Variants in ECPAS observed in about 807,000 individuals in gnomAD.
ECPAS encodes Ecm29 proteasome adaptor and scaffold, also known as proteasome adapter and scaffold protein ECM29.
Under a neutral mutation model 255.1 loss-of-function variants are expected in ECPAS, and 70 were observed. That is an observed-to-expected ratio of 0.27 (90% CI 0.23 to 0.33). ECPAS has a LOEUF of 0.33. Among genes scored for constraint, ECPAS ranks in the 10% least tolerant of loss-of-function variants. The probability of loss-of-function intolerance (pLI) is 1.00; values close to 1 mark genes in which losing one functional copy is unlikely to be tolerated. For missense variants in ECPAS, 1,817 were observed against 2,206.4 expected (o/e 0.82, Z 3.54); for synonymous variants, 784 against 775.0 (o/e 1.01, Z -0.19).
rs144418304 is a variant in ECPAS, at chr9:111,362,267, TA to T, written c.5381-99del. 8,948 of 1,001,334 alleles carry T rather than the reference TA, an allele frequency of 8.9e-3. 69 individuals carry two copies. The highest frequency in any genetic ancestry group is 0.011 in the Non-Finnish European group (7,988 of 704,710). The allele number at this position is 1,001,334 out of a possible 1,614,324, so 62.0% of individuals were successfully genotyped here. The stretch of plus-strand genomic sequence containing the variant: ...TTATAGAACAAGCAAGAAAAAAATT[TA>T]AAAATATCCTATCCCCCAAATAAAT... On this transcript the variant is annotated intron_variant, in intron 49 of 49. Coordinates refer to ENST00000684092, the MANE Select transcript of ECPAS (RefSeq NM_001364929.1).
At chr9:111,423,373 G>A (rs2098217070) in intron 12 of ECPAS, 125 bp from the exon 13 acceptor site, 1 of 677,130 alleles carries the variant, frequency 1.5e-6, no homozygotes, top group Non-Finnish European at 2.5e-6. Context: ...ATTAAACCTA[G>A]GTCTCACTCT....
intron 7 of ECPAS, among the ~76,000 whole-genome samples, chr9:111,433,717 G>A (rs550917378): frequency 6.6e-6 from 1 of 152,254 alleles, no homozygotes; most frequent in South Asian, 2.1e-4. Context: ...CCCTAGTGAG[G>A]TTACACAGCC....
chr9:111,417,169 G>A lies in ECPAS; in HGVS notation c.1683+714C>T, dbSNP rs190266552. ...AGGGTGGATCACTTGAGTCTGGGAC[G>A]TGGAGGTTTTAGTGAACTGAGACCA... On this transcript the variant is annotated intron_variant, in intron 17 of 49. Coordinates refer to ENST00000684092, the MANE Select transcript of ECPAS (RefSeq NM_001364929.1). Among the ~76,000 whole-genome samples the A allele has an allele frequency of 3.3e-5, 5 of 152,074 alleles. No homozygotes were observed. The East Asian group carries it at 5.8e-4, about 18-fold the overall frequency.
intron 27 of ECPAS, 50 bp downstream of exon 27, chr9:111,393,630 T>A (rs1348531125): frequency 8.1e-7 from 1 of 1,233,864 alleles, no homozygotes; most frequent in African/African-American, 1.5e-5. Context: ...TTTTTGAACA[T>A]TTAAAATACA....
At chr9:111,439,602 TTTTCTTTC>T (rs1181741363) in intron 6 of ECPAS, among the ~76,000 whole-genome samples, 3 of 152,164 alleles carry the variant, frequency 2.0e-5, no homozygotes, top group Non-Finnish European at 4.4e-5. Context: ...CTTTTTGTTG[TTTTCTTTC>T]TTTCTTTTTT....
chr9:111,446,444 A>C (rs1195297731), intron 3 of ECPAS, among the ~76,000 whole-genome samples: 1 of 152,236 alleles, frequency 6.6e-6, no homozygotes, highest in Non-Finnish European at 1.5e-5. Context: ...CTCATTTCTG[A>C]AATTCGTGCT....
chr9:111,422,744 T>C (rs977892683), intron 13 of ECPAS, among the ~76,000 whole-genome samples: 1 of 151,568 alleles, frequency 6.6e-6, no homozygotes, highest in Non-Finnish European at 1.5e-5. Flanking sequence ...TGAAGGAAGA[T>C]GAAGCCAGGA....
chr9:111,436,676 T>C (rs1017016976), intron 7 of ECPAS, among the ~76,000 whole-genome samples: 44 of 152,246 alleles, frequency 2.9e-4, no homozygotes, highest in African/African-American at 1.0e-3. Context: ...AAGTTAAACA[T>C]ATTCAATTTA....
chr9:111,394,985 T>G (rs1412648667), intron 25 of ECPAS, among the ~76,000 whole-genome samples: 2 of 152,222 alleles, frequency 1.3e-5, no homozygotes, highest in African/African-American at 4.8e-5. Context: ...CTCTTCTCCA[T>G]AGAAATTAGT....
chr9:111,407,432 A>AAAAAAAAAAAAAAAAAAAAAAAAAC (rs2098186587), intron 24 of ECPAS, among the ~76,000 whole-genome samples: 1 of 142,760 alleles, frequency 7.0e-6, no homozygotes, highest in Non-Finnish European at 1.6e-5. Context: ...AAAAAAAAAA[A>AAAAAAAAAAAAAAAAAAAAAAAAAC]AAAAAACCTA....
At position 111,416,473 on chromosome 9, in the gene ECPAS, C is replaced by T. The variant is rs951243782; in HGVS notation, c.1684-121G>A. ...TCCTAAGTTTGCTTCTTTTTCTGAT[C>T]AAACATTTTCCACTTTCCTATTAAC... On this transcript the variant is annotated intron_variant, in intron 17 of 49. Transcript: ENST00000684092. 5.7e-6 allele frequency: 4 copies of T among 700,162 alleles called. No homozygotes were observed. The African/African-American group carries it at 7.2e-5, about 13-fold the overall frequency. 43.4% of individuals were successfully genotyped at this position (700,162 alleles called of 1,614,324 possible).
chr9:111,484,253 C>T lies in ECPAS; in HGVS notation c.-220G>A, dbSNP rs891111327. 105 of 1,487,048 alleles carry T rather than the reference C, an allele frequency of 7.1e-5. No homozygotes were observed. Among genetic ancestry groups the T allele is most frequent in the Non-Finnish European group, 7.9e-5 (89 of 1,123,522 alleles). The allele number at this position is 1,487,048 out of a possible 1,614,324, so 92.1% of individuals were successfully genotyped here. ...CGTGAGGGGCTGGGCCGAGCGGGCC[C>T]GGGCTGCCCTAGCGGCCGGGGGAAA... On this transcript the variant is annotated 5_prime_UTR_variant, in exon 1 of 50. Coordinates refer to ENST00000684092, the MANE Select transcript of ECPAS (RefSeq NM_001364929.1).
Position 111,410,067 on chromosome 9 carries a change from T to C in ECPAS, c.2524A>G (p.Ile842Val). 6.4e-7 allele frequency: 1 copy of C among 1,574,256 alleles called. No individual in the cohort carries two copies. Among genetic ancestry groups the C allele is most frequent in the Non-Finnish European group, 8.6e-7 (1 of 1,158,938 alleles). The change falls in exon 23 of 50, where the codon ATA becomes GTA. Residue 842 changes from isoleucine (I) to valine (V), a missense_variant. Around this residue, in one of 4 missense-constraint regions of ECPAS, gnomAD observed 194 missense variants for 152.8 expected, o/e 1.27. Transcript: ENST00000684092. ...TTATTTGTTTCTTTACTGGAAGGTA[T>C]TCTACTTAGTAAGCTTTCTACAAGA... Reference protein sequence around the residue: ...LHLVESLLSRIPSSKETNKMK... With the variant: ...LHLVESLLSRVPSSKETNKMK...
At position 111,371,759 on chromosome 9, in the gene ECPAS, C is replaced by T. The variant is rs373083332; in HGVS notation, c.4599G>A (p.Gln1533=). 1.1e-5 allele frequency: 17 copies of T among 1,613,774 alleles called. No individual in the cohort carries two copies. The highest frequency in any genetic ancestry group is 1.6e-4 in the Middle Eastern group (1 of 6,082). The change falls in exon 43 of 50, where the codon CAG becomes CAA. Residue 1533 remains glutamine (Q), a synonymous_variant. Coordinates refer to ENST00000684092, the MANE Select transcript of ECPAS (RefSeq NM_001364929.1). ...ITITQKALQS[Q]SWKMKAQGAI... is the part of the protein sequence containing the mutation. ...CACCCTGGGCTTTCATTTTCCAGGA[C>T]TGAGACTGCAAAGCCTTCTGGGTAA...
chr9:111,380,132 T>C (rs762339828), intron 35 of ECPAS, among the ~76,000 whole-genome samples: 2 of 152,238 alleles, frequency 1.3e-5, no homozygotes, highest in Non-Finnish European at 2.9e-5. Context: ...AATATACTTC[T>C]TGAATAGTAA....
chr9:111,378,750 A>C lies in ECPAS; in HGVS notation c.3804-20T>G. ...TTAATGCTACAAACATATGGAACAC[A>C]ACTCCTGAGTCCTTTTAACAAAAGT... On this transcript the variant is annotated intron_variant, in intron 35 of 49. Coordinates refer to ENST00000684092, the MANE Select transcript of ECPAS (RefSeq NM_001364929.1). 1 of 1,592,654 alleles carries C rather than the reference A, an allele frequency of 6.3e-7. No homozygotes were observed. Among genetic ancestry groups the C allele is most frequent in the African/African-American group, 1.3e-5 (1 of 74,662 alleles).
At chr9:111,480,902 C>A (rs2132135530) in intron 1 of ECPAS, among the ~76,000 whole-genome samples, 1 of 152,326 alleles carries the variant, frequency 6.6e-6, no homozygotes, top group Admixed American at 6.5e-5. Flanking sequence ...GCATCTTAAC[C>A]AGTACCTGAA....
chr9:111,469,366 A>G (rs1414091250), intron 2 of ECPAS, among the ~76,000 whole-genome samples: 1 of 151,766 alleles, frequency 6.6e-6, no homozygotes, highest in Non-Finnish European at 1.5e-5. Context: ...AACCCTGTCT[A>G]TACTAAACAT....
chr9:111,393,565 A>G (rs2098163358), intron 27 of ECPAS, 115 bp downstream of exon 27: 2 of 716,842 alleles, frequency 2.8e-6, no homozygotes, highest in Non-Finnish European at 4.7e-6. Context: ...AAGGTTTAAT[A>G]ATTGTTTTAA....
Sources: allele counts gnomAD v4.1 joint callset (sites outside exome capture counted in the v4.1 genomes callset), GRCh38; gene constraint gnomAD v4.1.1; regional missense constraint gnomAD v4.1.1; transcripts MANE v1.5; gene names NCBI Gene and HGNC (gene_info 2026-07-23, HGNC 2026-07-21).